The following HNF4G variants were observed in gnomAD, a reference collection of about 807,000 sequenced individuals.
The protein encoded by HNF4G is hepatocyte nuclear factor 4-gamma.
A neutral mutation model predicts 50.9 loss-of-function variants in HNF4G; 21 were observed. That is an observed-to-expected ratio of 0.41 (90% CI 0.29 to 0.59). The LOEUF (loss-of-function observed/expected upper bound fraction) is 0.59. Among genes scored for constraint, HNF4G ranks in the 20% least tolerant of loss-of-function variants. The pLI is 0.26. For synonymous variants in HNF4G, 198 were observed against 185.6 expected, an observed-to-expected ratio of 1.07 and a Z score of -0.54; for missense variants, 527 against 559.4, an observed-to-expected ratio of 0.94 and a Z score of 0.58.
In HNF4G at chr8:75,432,217, G is replaced by A. The variant is rs191510627; in HGVS notation, c.-144+24055G>A. On this transcript the variant is annotated intron_variant, in intron 1 of 10. Transcript: ENST00000354370. ...TAGGTTAAACCATGATTGTACCACCGCACTCCAACCTGGATTATGGCCCTG... is the reference window on the plus strand; with the variant it reads ...TAGGTTAAACCATGATTGTACCACCACACTCCAACCTGGATTATGGCCCTG... 1.5e-3 allele frequency among the ~76,000 whole-genome samples: 224 copies of A among 151,412 alleles called. 1 individual carries two copies. The highest frequency in any genetic ancestry group is 2.3e-3 in the Non-Finnish European group (154 of 67,866).
chr8:75,552,276 G>A (rs1806982233), intron 4 of HNF4G, among the ~76,000 whole-genome samples: 1 of 151,988 alleles, frequency 6.6e-6, no homozygotes, highest in Admixed American at 6.6e-5. Flanking sequence ...TTGCTTGATG[G>A]GCAATAAAGC....
At chr8:75,491,587 G>A (rs557713912) in intron 2 of HNF4G, among the ~76,000 whole-genome samples, 2 of 151,290 alleles carry the variant, frequency 1.3e-5, no homozygotes, top group South Asian at 2.1e-4. Flanking sequence ...AGCAATTCTC[G>A]TGCCTCAGCC....
chr8:75,494,665 C>T (rs1260573094), intron 2 of HNF4G, among the ~76,000 whole-genome samples: 1 of 151,878 alleles, frequency 6.6e-6, no homozygotes, highest in Non-Finnish European at 1.5e-5. Flanking sequence ...CTGCCTTGAA[C>T]ATAATAAGTG....
chr8:75,507,057 C>T (rs1028360900), intron 2 of HNF4G, among the ~76,000 whole-genome samples: 5 of 152,074 alleles, frequency 3.3e-5, no homozygotes, highest in African/African-American at 1.2e-4. Flanking sequence ...ATAAATTCCA[C>T]ATGTGCATTT....
chr8:75,411,439 T>C (rs1347803430), intron 1 of HNF4G, among the ~76,000 whole-genome samples: 1 of 152,220 alleles, frequency 6.6e-6, no homozygotes, highest in African/African-American at 2.4e-5. Flanking sequence ...CTCAATACTA[T>C]TTACCTACTC....
intron 1 of HNF4G, among the ~76,000 whole-genome samples, chr8:75,541,557 TACTCAGA>T (rs141512619): frequency 0.053 from 8,046 of 152,198 alleles, 271 homozygotes; most frequent in Non-Finnish European, 0.078. Context: ...AATATTTGTC[TACTCAGA>T]AATATTAGTA....
chr8:75,480,593 A>C (rs1169173546), intron 1 of HNF4G, among the ~76,000 whole-genome samples: 1 of 152,200 alleles, frequency 6.6e-6, no homozygotes, highest in East Asian at 1.9e-4. Context: ...TTGCCAGAAA[A>C]TATATCTGGG....
chr8:75,493,179 A>G (rs942399787), intron 2 of HNF4G, among the ~76,000 whole-genome samples: 5 of 152,238 alleles, frequency 3.3e-5, no homozygotes, highest in South Asian at 2.1e-4. Flanking sequence ...GGAAAATCTC[A>G]TCATTGGAGT....
rs1049590220 is a variant in HNF4G at position 75,558,530 on chromosome 8, T to C, written c.746T>C (p.Val249Ala). ...TTCTCTCTCATAGGAAACAACTATG[T>C]TATTCACCGCAACAGCTGTGAAGTT... Reference protein sequence around the residue: ...KDILLLGNNYVIHRNSCEVEI... With the variant: ...KDILLLGNNYAIHRNSCEVEI... Residue 249 changes from valine (V) to alanine (A), a missense_variant, in exon 7 of 10, where the codon GTT becomes GCT. Val to Ala is a moderately conservative substitution (Grantham distance 64). Around this residue, in one of 5 missense-constraint regions of HNF4G, gnomAD observed 308 missense variants for 301.5 expected, o/e 1.02. Coordinates refer to ENST00000396423, the MANE Select transcript of HNF4G (RefSeq NM_004133.5). The C allele has an allele frequency of 1.2e-6, 2 of 1,612,306 alleles. No homozygotes were observed. The highest frequency in any genetic ancestry group is 1.7e-6 in the Non-Finnish European group (2 of 1,179,450).
At chr8:75,414,269 C>G (rs927460930) in intron 1 of HNF4G, among the ~76,000 whole-genome samples, 3 of 151,762 alleles carry the variant, frequency 2.0e-5, no homozygotes, top group African/African-American at 7.3e-5. Context: ...ACTATGTACC[C>G]TTTTATGTCT....
intron 1 of HNF4G, among the ~76,000 whole-genome samples, chr8:75,487,296 G>C (rs574726155): frequency 2.0e-5 from 3 of 151,700 alleles, no homozygotes; most frequent in Non-Finnish European, 2.9e-5. Flanking sequence ...TTAACATGCC[G>C]TTGGCTCTAG....
At chr8:75,488,786 T>TA (rs1461982891) in intron 1 of HNF4G, among the ~76,000 whole-genome samples, 1 of 152,138 alleles carries the variant, frequency 6.6e-6, no homozygotes, top group Non-Finnish European at 1.5e-5. Context: ...TCCTCAAATT[T>TA]AAAAAATGAA....
chr8:75,492,195 A>G (rs1207314548), intron 2 of HNF4G, among the ~76,000 whole-genome samples: 1 of 152,156 alleles, frequency 6.6e-6, no homozygotes, highest in East Asian at 1.9e-4. Context: ...TTCAAGGCCC[A>G]GTTCAAATGC....
intron 2 of HNF4G, among the ~76,000 whole-genome samples, chr8:75,499,569 T>A (rs935382553): frequency 7.5e-5 from 9 of 119,260 alleles, no homozygotes; most frequent in African/African-American, 1.1e-4. Flanking sequence ...ACCTAAAATA[T>A]GCAAAAAAGA....
intron 2 of HNF4G, chr8:75,527,092 CACA>C (rs1806205454): frequency 6.6e-6 from 1 of 152,120 alleles, no homozygotes; most frequent in African/African-American, 2.4e-5. Context: ...GCATTCTTTT[CACA>C]ACATGTTTAG....
intron 1 of HNF4G, among the ~76,000 whole-genome samples, chr8:75,421,984 C>A (rs946321616): frequency 6.6e-6 from 1 of 152,138 alleles, no homozygotes; most frequent in South Asian, 2.1e-4. Flanking sequence ...GAGAAAGTTA[C>A]TTACCTGTTC....
intron 2 of HNF4G, among the ~76,000 whole-genome samples, chr8:75,505,070 T>A (rs942768322): frequency 5.9e-5 from 9 of 152,194 alleles, no homozygotes; most frequent in Non-Finnish European, 1.2e-4. Context: ...AATTTTCTTT[T>A]CAGAGGGTTT....
chr8:75,502,403 A>G lies in HNF4G; in HGVS notation c.-24+12195A>G, dbSNP rs12550532. Among the ~76,000 whole-genome samples, 840 of 152,326 alleles carry G rather than the reference A, an allele frequency of 5.5e-3. 24 individuals are homozygous for G. The highest frequency in any genetic ancestry group is 0.043 in the Admixed American group (658 of 15,292). On this transcript the variant is annotated intron_variant, in intron 2 of 10. Transcript: ENST00000354370. ...TGAATTTTATAAACCTGCATTACAA[A>G]AATAGCAGTTTATAGCATATTTTAG...
chr8:75,489,330 C>A (rs182927951), intron 1 of HNF4G, among the ~76,000 whole-genome samples: 1 of 152,170 alleles, frequency 6.6e-6, no homozygotes, highest in Non-Finnish European at 1.5e-5. Context: ...CAATATCTCA[C>A]AAATTATTTA....
Sources: allele counts gnomAD v4.1 joint callset (sites outside exome capture counted in the v4.1 genomes callset), GRCh38; gene constraint gnomAD v4.1.1; regional missense constraint gnomAD v4.1.1; transcripts MANE v1.5; gene names NCBI Gene and HGNC (gene_info 2026-07-23, HGNC 2026-07-21).